The following ITGA8 variants were observed in gnomAD, a reference collection of about 807,000 sequenced individuals.
ITGA8 encodes integrin subunit alpha 8.
ITGA8 carries 91 observed loss-of-function variants against 142.3 expected under a neutral mutation model. The ratio of observed to expected loss-of-function variants is 0.64; its 90% CI spans 0.54 to 0.76. The LOEUF is 0.76. ITGA8 is among the 30% of genes least tolerant of loss of function. The pLI, the probability that ITGA8 is intolerant of heterozygous loss-of-function variation, is 0.00. For missense variants in ITGA8, 1,406 were observed against 1,327.7 expected (o/e 1.06, Z -0.92); for synonymous variants, 505 against 485.2 (o/e 1.04, Z -0.54).
chr10:15,624,875 C>T (rs561216223), intron 13 of ITGA8, among the ~76,000 whole-genome samples: 36 of 152,256 alleles, frequency 2.4e-4, no homozygotes, highest in Non-Finnish European at 5.1e-4. Flanking sequence ...CTGGCAATGT[C>T]CACTTGTGAG....
Position 15,605,800 on chromosome 10 carries a change from T to A in ITGA8, c.1903-9A>T, listed in dbSNP as rs1368913509. 14 of 1,612,542 alleles carry A rather than the reference T, an allele frequency of 8.7e-6. No individual in the cohort carries two copies. Among genetic ancestry groups the A allele is most frequent in the Non-Finnish European group, 1.1e-5 (13 of 1,178,820 alleles). On this transcript the variant is annotated splice_polypyrimidine_tract_variant and intron_variant, in intron 18 of 29. Transcript: ENST00000378076. The stretch of plus-strand genomic sequence containing the variant: ...TCCACCAGAATGTGAGCCTGTGTTG[T>A]ATAAACGCACGTCAGGAACAATCTA...
intron 15 of ITGA8, among the ~76,000 whole-genome samples, chr10:15,611,175 A>G (rs1588673967): frequency 1.3e-5 from 2 of 152,348 alleles, no homozygotes; most frequent in Non-Finnish European, 2.9e-5. Context: ...TCATTTTGGA[A>G]AAACTAAGCT....
chr10:15,664,725 T>A (rs1180701505), intron 8 of ITGA8, among the ~76,000 whole-genome samples: 1 of 137,608 alleles, frequency 7.3e-6, no homozygotes, highest in Non-Finnish European at 1.5e-5. Flanking sequence ...GTCCATGTGC[T>A]CTCATTGTTC....
chr10:15,572,358 A>G lies in ITGA8; in HGVS notation c.2490T>C (p.Ile830=). 2 of 1,614,026 alleles carry G rather than the reference A, an allele frequency of 1.2e-6. No individual in the cohort carries two copies. The highest frequency in any genetic ancestry group is 1.7e-6 in the Non-Finnish European group (2 of 1,179,976). The change falls in exon 25 of 30, where the codon ATT becomes ATC. Residue 830 remains isoleucine, a synonymous_variant. Coordinates refer to ENST00000378076, the MANE Select transcript of ITGA8 (RefSeq NM_003638.3). ...TGGTGTCACTGATGGTACTTGGTCC[A>G]ATATTGTGCAGCTGTAAACAAGTGA... ...LVEHIYELHN[I]GPSTISDTIL...
At chr10:15,639,406 C>A (rs957811843) in intron 13 of ITGA8, among the ~76,000 whole-genome samples, 1 of 152,144 alleles carries the variant, frequency 6.6e-6, no homozygotes, top group Non-Finnish European at 1.5e-5. Context: ...GATCTCTCAT[C>A]CCCATCTCAG....
chr10:15,573,279 T>G lies in ITGA8; in HGVS notation c.2479-910A>C, dbSNP rs9333203. On this transcript the variant is annotated intron_variant, in intron 24 of 29. Transcript: ENST00000378076. ...TACCAGTAGCTACCCTAAACTTTCA[T>G]GATCCACATTTATGCTAAGATTTGA... Among the ~76,000 whole-genome samples, 574 of 152,322 alleles carry G rather than the reference T, an allele frequency of 3.8e-3. 3 individuals are homozygous for G. The highest frequency in any genetic ancestry group is 0.013 in the African/African-American group (538 of 41,574).
chr10:15,563,024 A>G (rs1834011389), intron 25 of ITGA8, among the ~76,000 whole-genome samples: 1 of 152,100 alleles, frequency 6.6e-6, no homozygotes, highest in Non-Finnish European at 1.5e-5. Context: ...TATGAGATCT[A>G]GTTGTTTAAA....
At chr10:15,586,500 G>A in intron 23 of ITGA8, 84 bp downstream of exon 23, 2 of 795,424 alleles carry the variant, frequency 2.5e-6, no homozygotes, top group Non-Finnish European at 4.3e-6. Context: ...AATGCATCAG[G>A]AAAATTCCAC....
At chr10:15,696,906 G>A (rs1835063164) in intron 2 of ITGA8, among the ~76,000 whole-genome samples, 1 of 151,174 alleles carries the variant, frequency 6.6e-6, no homozygotes, top group Non-Finnish European at 1.5e-5. Context: ...AGTAGCCCAT[G>A]CCTGAGGTGG....
intron 2 of ITGA8, among the ~76,000 whole-genome samples, chr10:15,714,160 T>C (rs1190453857): frequency 6.6e-6 from 1 of 152,258 alleles, no homozygotes; most frequent in Non-Finnish European, 1.5e-5. Context: ...TGCTATACTT[T>C]GGAACTATGT....
chr10:15,705,216 G>T (rs183642420), intron 2 of ITGA8, among the ~76,000 whole-genome samples: 8 of 152,184 alleles, frequency 5.3e-5, no homozygotes, highest in African/African-American at 1.9e-4. Context: ...CTTCCTGTCT[G>T]GTAATCCTAT....
At chr10:15,667,423 G>C (rs1158463590) in intron 8 of ITGA8, among the ~76,000 whole-genome samples, 6 of 151,616 alleles carry the variant, frequency 4.0e-5, no homozygotes, top group African/African-American at 1.5e-4. Flanking sequence ...TTCTTTATTA[G>C]TCTTGCTAGT....
At chr10:15,578,640 A>G (rs1834343142) in intron 23 of ITGA8, among the ~76,000 whole-genome samples, 1 of 152,154 alleles carries the variant, frequency 6.6e-6, no homozygotes, top group East Asian at 1.9e-4. Flanking sequence ...TATCATTCCC[A>G]AATAGCAAAG....
intron 13 of ITGA8, among the ~76,000 whole-genome samples, chr10:15,617,705 T>C (rs188984291): frequency 5.3e-5 from 8 of 152,310 alleles, no homozygotes; most frequent in African/African-American, 1.4e-4. Flanking sequence ...GGCGGGCTTT[T>C]CTTAATCTCA....
chr10:15,593,600 T>C (rs1832960621), intron 21 of ITGA8, among the ~76,000 whole-genome samples: 1 of 152,226 alleles, frequency 6.6e-6, no homozygotes, highest in Admixed American at 6.5e-5. Flanking sequence ...CATGAATCAG[T>C]AATAATATGA....
chr10:15,542,976 C>G (rs1833601843), intron 27 of ITGA8, among the ~76,000 whole-genome samples: 1 of 152,128 alleles, frequency 6.6e-6, no homozygotes, highest in South Asian at 2.1e-4. Context: ...TGTAGTCTGT[C>G]TCGGTCAACC....
chr10:15,637,323 C>T (rs746751412), intron 13 of ITGA8, among the ~76,000 whole-genome samples: 6 of 152,142 alleles, frequency 3.9e-5, no homozygotes, highest in Admixed American at 1.3e-4. Context: ...AATCCTCTCC[C>T]GCCCTAGAAA....
At chr10:15,536,875 C>T (rs995482976) in intron 27 of ITGA8, among the ~76,000 whole-genome samples, 2 of 152,192 alleles carry the variant, frequency 1.3e-5, no homozygotes, top group African/African-American at 4.8e-5. Context: ...GGCAATGACA[C>T]AAGCTCTCCC....
At chr10:15,617,563 T>C (rs933043823) in intron 13 of ITGA8, among the ~76,000 whole-genome samples, 3 of 152,148 alleles carry the variant, frequency 2.0e-5, no homozygotes, top group African/African-American at 7.2e-5. Context: ...AACGCCTGGC[T>C]GATTTTTTGT....
Sources: allele counts gnomAD v4.1 joint callset (sites outside exome capture counted in the v4.1 genomes callset), GRCh38; gene constraint gnomAD v4.1.1; transcripts MANE v1.5; gene names NCBI Gene and HGNC (gene_info 2026-07-23, HGNC 2026-07-21).